Variants in LARGE1 observed in about 807,000 individuals in gnomAD.
LARGE1 encodes the protein xylosyl- and glucuronyltransferase LARGE1.
In LARGE1, 43 loss-of-function variants were observed where a neutral mutation model predicts 87.6. The observed-to-expected ratio is 0.49, with a 90% confidence interval of 0.38 to 0.63. LARGE1 has a LOEUF of 0.63. Ranked by LOEUF, LARGE1 falls within the 30% of genes least tolerant of loss-of-function variation. The pLI is 0.00. For synonymous variants in LARGE1, 434 were observed against 394.6 expected (o/e 1.10, Z -1.18); for missense variants, 802 against 1,000.2 (o/e 0.80, Z 2.67).
intron 11 of LARGE1, among the ~76,000 whole-genome samples, chr22:33,224,591 A>T (rs1467607788): frequency 6.6e-6 from 1 of 152,144 alleles, no homozygotes. Context: ...ATCATCTATT[A>T]CCTGTTGTGC....
intron 1 of LARGE1, among the ~76,000 whole-genome samples, chr22:33,906,357 T>C (rs1344932578): frequency 6.6e-6 from 1 of 152,174 alleles, no homozygotes; most frequent in Non-Finnish European, 1.5e-5. Flanking sequence ...CCCAGGGGTA[T>C]GTATATTTCC....
intron 7 of LARGE1, among the ~76,000 whole-genome samples, chr22:33,386,084 T>G (rs915992380): frequency 3.4e-5 from 5 of 148,952 alleles, no homozygotes; most frequent in Admixed American, 3.3e-4. Flanking sequence ...CACAGAGATC[T>G]GAACTTGTAA....
At chr22:33,279,735 A>G (rs1279935785) in intron 13 of LARGE1, among the ~76,000 whole-genome samples, 1 of 152,222 alleles carries the variant, frequency 6.6e-6, no homozygotes, top group Non-Finnish European at 1.5e-5. Context: ...GGAGATGTCA[A>G]TTTCGGGCAT....
chr22:33,424,279 C>T (rs182293760), intron 7 of LARGE1, among the ~76,000 whole-genome samples: 5 of 152,244 alleles, frequency 3.3e-5, no homozygotes, highest in Admixed American at 3.3e-4. Context: ...TGGATAATGG[C>T]CACTGCATAT....
intron 1 of LARGE1, among the ~76,000 whole-genome samples, chr22:33,883,100 G>A (rs756655059): frequency 2.6e-5 from 4 of 152,106 alleles, no homozygotes; most frequent in African/African-American, 4.8e-5. Context: ...AAGTCTGTGC[G>A]GCAGGAAGCT....
chr22:33,527,225 C>T (rs748851380), intron 6 of LARGE1, among the ~76,000 whole-genome samples: 4 of 152,176 alleles, frequency 2.6e-5, no homozygotes, highest in African/African-American at 4.8e-5. Context: ...CATTGCACTC[C>T]GGCCTGGGCA....
chr22:33,818,880 A>G (rs2086735601), intron 1 of LARGE1, among the ~76,000 whole-genome samples: 1 of 152,152 alleles, frequency 6.6e-6, no homozygotes, highest in Non-Finnish European at 1.5e-5. Flanking sequence ...AAGTCTGTAC[A>G]CTGTGGTCTC....
chr22:33,308,642 C>G (rs941385812), intron 11 of LARGE1, among the ~76,000 whole-genome samples: 5 of 152,094 alleles, frequency 3.3e-5, no homozygotes, highest in African/African-American at 1.2e-4. Flanking sequence ...TTGTACCTGC[C>G]GCCATGTGAA....
At chr22:33,376,653 T>C (rs1040351857) in intron 9 of LARGE1, among the ~76,000 whole-genome samples, 5 of 152,246 alleles carry the variant, frequency 3.3e-5, no homozygotes, top group African/African-American at 7.2e-5. Context: ...GTTTATTCAA[T>C]TGGCTGTCTT....
chr22:33,104,891 CTTTCTTTCTTTCTTTCTTTCTTTCTT>C, the LARGE1 span, among the ~76,000 whole-genome samples: 8 of 45,848 alleles, frequency 1.7e-4, no homozygotes, highest in Non-Finnish European at 2.8e-4. Context: ...CTTTCTCTCT[CTTTCTTTCTTTCTTTCTTTCTTTCTT>C]TCTTTCTTTC....
intron 2 of LARGE1, among the ~76,000 whole-genome samples, chr22:33,702,361 C>A (rs189078030): frequency 6.6e-6 from 1 of 152,186 alleles, no homozygotes; most frequent in Non-Finnish European, 1.5e-5. Flanking sequence ...CAGAATCTAG[C>A]CCCCAGTAGG....
chr22:33,466,927 C>T (rs750899112), intron 6 of LARGE1, among the ~76,000 whole-genome samples: 2 of 152,074 alleles, frequency 1.3e-5, no homozygotes, highest in Non-Finnish European at 2.9e-5. Flanking sequence ...GTAATCCCAC[C>T]TACTTGGGAA....
chr22:33,314,794 G>A (rs1449418928), intron 11 of LARGE1, among the ~76,000 whole-genome samples: 2 of 152,222 alleles, frequency 1.3e-5, no homozygotes, highest in Non-Finnish European at 2.9e-5. Flanking sequence ...GCGGAAGCCA[G>A]TCTGACAAGG....
intron 11 of LARGE1, among the ~76,000 whole-genome samples, chr22:33,248,745 C>G (rs1926884354): frequency 6.6e-6 from 1 of 152,214 alleles, no homozygotes; most frequent in Non-Finnish European, 1.5e-5. Flanking sequence ...AACCCCTGAT[C>G]TTTTTACTAT....
intron 5 of LARGE1, among the ~76,000 whole-genome samples, chr22:33,597,831 T>C (rs1021158874): frequency 6.6e-6 from 1 of 152,138 alleles, no homozygotes; most frequent in Admixed American, 6.5e-5. Context: ...CTGGTAGACA[T>C]GTAGGGCCTT....
chr22:33,654,957 G>A (rs913291905), intron 2 of LARGE1, among the ~76,000 whole-genome samples: 4 of 152,112 alleles, frequency 2.6e-5, no homozygotes, highest in African/African-American at 7.2e-5. Flanking sequence ...TAAACAAACT[G>A]GTCTACACTA....
rs1473193779 is a variant in LARGE1 at position 33,274,464 on chromosome 22, GC to G, written c.2233del (p.Ala745LeufsTer3). On this transcript the variant is annotated frameshift_variant, in exon 15 of 15. Coordinates refer to ENST00000397394, the MANE Select transcript of LARGE1 (RefSeq NM_133642.5). LOFTEE classifies it high-confidence loss of function. ...CTCGGCTGTGAGATATTTCAGGGCA[GC>G]AAAGCCGTAGCGGCGGGACATGTCC... The part of the protein sequence containing the change: ...QQDMSRRYGF[A>X]ALKYLTAENN... The G allele has an allele frequency of 6.2e-7, 1 of 1,614,194 alleles. No homozygotes were observed. Among genetic ancestry groups the G allele is most frequent in the Non-Finnish European group, 8.5e-7 (1 of 1,180,040 alleles).
intron 7 of LARGE1, among the ~76,000 whole-genome samples, chr22:33,417,009 C>A (rs377425851): frequency 6.7e-6 from 1 of 149,322 alleles, no homozygotes; most frequent in African/African-American, 2.5e-5. Flanking sequence ...CGGGTTCAAG[C>A]GATTCTCCTG....
chr22:33,632,446 G>A (rs897544066), intron 3 of LARGE1, among the ~76,000 whole-genome samples: 3 of 152,236 alleles, frequency 2.0e-5, no homozygotes, highest in Admixed American at 6.5e-5. Context: ...TGTAGACCAC[G>A]TTAAGTGGGC....
Sources: allele counts gnomAD v4.1 joint callset (sites outside exome capture counted in the v4.1 genomes callset), GRCh38; gene constraint gnomAD v4.1.1; transcripts MANE v1.5; gene names NCBI Gene and HGNC (gene_info 2026-07-23, HGNC 2026-07-21).